The following CFAP54 variants were observed in gnomAD, a reference collection of about 807,000 sequenced individuals.
CFAP54 encodes cilia and flagella associated protein 54.
Under a neutral mutation model 370.4 loss-of-function variants are expected in CFAP54, and 290 were observed. The observed-to-expected ratio is 0.78, with a 90% CI of 0.71 to 0.86. The LOEUF is 0.86. Among genes scored for constraint, CFAP54 ranks in the 40% least tolerant of loss-of-function variants. The probability of loss-of-function intolerance (pLI) is 0.00; values close to 1 mark genes in which losing one functional copy is unlikely to be tolerated. For missense variants in CFAP54, 3,399 were observed against 3,528.7 expected (o/e 0.96, Z 0.93); for synonymous variants, 1,206 against 1,236.5 (o/e 0.98, Z 0.52).
At chr12:96,720,671 C>G in intron 50 of CFAP54, 106 bp downstream of exon 50, 1 of 897,786 alleles carries the variant, frequency 1.1e-6, no homozygotes, top group Middle Eastern at 3.8e-4. Flanking sequence ...ATTCCTATAT[C>G]CATAGTATGC....
At position 96,771,000 on chromosome 12, in the gene CFAP54, C is replaced by T. The variant is rs1958454685; in HGVS notation, c.8281+5782C>T. On this transcript the variant is annotated intron_variant, in intron 60 of 67. Coordinates refer to ENST00000524981, the MANE Select transcript of CFAP54 (RefSeq NM_001306084.2). ...AGTGATGCCTCTGCCCTTCGCAATC[C>T]AAACACATTAACAGTGGTGGGTAAA... 2.6e-5 allele frequency among the ~76,000 whole-genome samples: 4 copies of T among 152,198 alleles called. No individual in the cohort carries two copies. In the South Asian group the frequency reaches 8.3e-4, roughly 32 times the overall value.
In CFAP54 at chr12:96,581,067, CCT is replaced by C; in HGVS notation, c.3040_3041del (p.Leu1014PhefsTer18). ...AACTAAACCAATTCTGGTTTATCCC[CCT>C]CTTTCTACTATTACTGCTCGGATGT... ...ETTKPILVYP[P>X]LSTITARMFL... On this transcript the variant is annotated frameshift_variant, in exon 22 of 68. Transcript: ENST00000524981. LOFTEE classifies it high-confidence loss of function. The C allele has an allele frequency of 6.6e-7, 1 of 1,522,474 alleles. No homozygotes were observed. The highest frequency in any genetic ancestry group is 8.8e-7 in the Non-Finnish European group (1 of 1,140,488). 94.3% of individuals were successfully genotyped at this position (1,522,474 alleles called of 1,614,324 possible). A position where few individuals can be genotyped will look rare whatever the true frequency, so the allele number is the denominator to read the frequency against.
At chr12:96,855,239 T>G (rs935021135) in intron 66 of CFAP54, among the ~76,000 whole-genome samples, 9 of 152,230 alleles carry the variant, frequency 5.9e-5, no homozygotes, top group Admixed American at 1.3e-4. Flanking sequence ...GGAACTATAG[T>G]TCAAGATGAG....
chr12:96,651,268 G>T (rs1173901707), intron 35 of CFAP54, among the ~76,000 whole-genome samples: 3 of 152,096 alleles, frequency 2.0e-5, no homozygotes, highest in African/African-American at 7.2e-5. Context: ...GCAGCATGAG[G>T]GCAGACCCAG....
intron 11 of CFAP54, 95 bp downstream of exon 11, chr12:96,534,322 C>T: frequency 1.4e-6 from 1 of 734,662 alleles, no homozygotes; most frequent in Non-Finnish European, 2.1e-6. Context: ...GCGGAGGGAG[C>T]AAGAGGTACA....
chr12:96,553,788 C>G (rs1402042713), intron 15 of CFAP54, among the ~76,000 whole-genome samples: 2 of 151,688 alleles, frequency 1.3e-5, no homozygotes, highest in Admixed American at 6.6e-5. Context: ...AATTTCTAGT[C>G]TGAGATTCTG....
chr12:96,763,437 T>C (rs1169276995), intron 58 of CFAP54, among the ~76,000 whole-genome samples: 1 of 152,178 alleles, frequency 6.6e-6, no homozygotes, highest in African/African-American at 2.4e-5. Flanking sequence ...TTACACAATA[T>C]ATTCAACTTA....
At chr12:96,830,396 A>G (rs1959167157) in intron 66 of CFAP54, among the ~76,000 whole-genome samples, 1 of 152,156 alleles carries the variant, frequency 6.6e-6, no homozygotes, top group African/African-American at 2.4e-5. Flanking sequence ...GTTTAATAGT[A>G]GTCATCCTAG....
At chr12:96,626,749 C>A (rs1047671799) in intron 29 of CFAP54, 64 bp from the exon 30 acceptor site, 1 of 969,766 alleles carries the variant, frequency 1.0e-6, no homozygotes, top group Non-Finnish European at 1.4e-6. Context: ...CTAGCACTGG[C>A]AACCCTTTGG....
intron 32 of CFAP54, among the ~76,000 whole-genome samples, chr12:96,638,731 A>G (rs1177506200): frequency 6.6e-6 from 1 of 152,124 alleles, no homozygotes; most frequent in African/African-American, 2.4e-5. Flanking sequence ...ATGTAGAAAT[A>G]GAGTTATTTT....
chr12:96,826,100 T>A (rs1544672), intron 65 of CFAP54, among the ~76,000 whole-genome samples: 1 of 144,550 alleles, frequency 6.9e-6, no homozygotes, highest in African/African-American at 2.5e-5. Flanking sequence ...AATGATAAAA[T>A]TACACTAATT....
chr12:96,776,041 G>A (rs1267929238), intron 60 of CFAP54, among the ~76,000 whole-genome samples: 3 of 151,942 alleles, frequency 2.0e-5, no homozygotes, highest in African/African-American at 4.8e-5. Flanking sequence ...TATTATTTCA[G>A]ATCACTTTAC....
intron 60 of CFAP54, among the ~76,000 whole-genome samples, chr12:96,766,716 A>G (rs1958405045): frequency 6.6e-6 from 1 of 152,118 alleles, no homozygotes; most frequent in Non-Finnish European, 1.5e-5. Context: ...GATGACTGAA[A>G]CTTCCAATAT....
At chr12:96,512,302 T>TATACATAC (rs1955179091) in intron 4 of CFAP54, among the ~76,000 whole-genome samples, 1 of 2,502 alleles carries the variant, frequency 4.0e-4, no homozygotes, top group African/African-American at 1.4e-3. Flanking sequence ...GAACCAATTT[T>TATACATAC]ATATATATAT....
chr12:96,718,767 G>A (rs1468255595), intron 49 of CFAP54, among the ~76,000 whole-genome samples: 6 of 152,052 alleles, frequency 3.9e-5, no homozygotes, highest in African/African-American at 2.4e-5. Flanking sequence ...GGCTGGGCGC[G>A]GTGGCTCACA....
rs560067073 is a variant in CFAP54, at chr12:96,501,491, A to G, written c.423+552A>G. Among the ~76,000 whole-genome samples the G allele has an allele frequency of 5.9e-5, 9 of 152,254 alleles. No individual in the cohort carries two copies. The East Asian group carries it at 1.5e-3, about 26-fold the overall frequency. ...CAGAATGAGTTTGTGTCCTTCTTTT[A>G]GTTCTACCTGAATGTCTAGGGCTTG... On this transcript the variant is annotated intron_variant, in intron 2 of 67. Coordinates refer to ENST00000524981, the MANE Select transcript of CFAP54 (RefSeq NM_001306084.2).
chr12:96,661,925 G>A (rs1478715388), intron 38 of CFAP54, among the ~76,000 whole-genome samples: 1 of 152,134 alleles, frequency 6.6e-6, no homozygotes, highest in Non-Finnish European at 1.5e-5. Context: ...GTCTTCTTCA[G>A]TCAATGACAA....
chr12:96,758,696 A>G (rs556085626), intron 58 of CFAP54, among the ~76,000 whole-genome samples: 127 of 152,310 alleles, frequency 8.3e-4, no homozygotes, highest in African/African-American at 3.0e-3. Flanking sequence ...GGTTTAATGA[A>G]TGAGGAGGGA....
At chr12:96,730,495 C>A (rs1308546980) in intron 50 of CFAP54, among the ~76,000 whole-genome samples, 2 of 151,516 alleles carry the variant, frequency 1.3e-5, no homozygotes, top group Admixed American at 1.3e-4. Flanking sequence ...AACAGTGAGA[C>A]AACATAAAAA....
Sources: allele counts gnomAD v4.1 joint callset (sites outside exome capture counted in the v4.1 genomes callset), GRCh38; gene constraint gnomAD v4.1.1; transcripts MANE v1.5; gene names NCBI Gene and HGNC (gene_info 2026-07-23, HGNC 2026-07-21).